The following NRK variants were observed in gnomAD, a reference collection of about 807,000 sequenced individuals.
NRK encodes Nik related kinase.
NRK carries 67 observed loss-of-function variants against 125.2 expected under a neutral mutation model. That is an observed-to-expected ratio of 0.54 (90% confidence interval 0.44 to 0.66). The LOEUF (loss-of-function observed/expected upper bound fraction) is 0.66. NRK is among the 30% of genes least tolerant of loss of function. NRK has a pLI of 0.00. For synonymous variants in NRK, 458 were observed against 429.0 expected, an observed-to-expected ratio of 1.07 and a Z score of -0.84; for missense variants, 1,224 against 1,192.9, an observed-to-expected ratio of 1.03 and a Z score of -0.38.
rs1488782245 is a variant in NRK, at chrX:105,945,992, C to T, written c.4180C>T (p.Leu1394Phe). The T allele has an allele frequency of 1.7e-6, 2 of 1,209,864 alleles. No individual in the cohort carries two copies. Among genetic ancestry groups the T allele is most frequent in the Non-Finnish European group, 2.2e-6 (2 of 894,333 alleles). The change falls in exon 25 of 29, where the codon CTC (leucine) becomes TTC (phenylalanine). Residue 1394 changes from leucine (L) to phenylalanine (F), a missense_variant. Physicochemically the swap from Leu to Phe is conservative, Grantham distance 22. Transcript: ENST00000243300. ...GAACCGGTTTAAGAGACCAGATGAG[C>T]TCCTTCATTTGCTGAAGCTCAAGGC... ...PVNRFKRPDE[L>F]LHLLKLKVFP...
chrX:105,835,356 G>GT (rs1247235577), intron 2 of NRK, among the ~76,000 whole-genome samples: 1 of 111,022 alleles, frequency 9.0e-6, no homozygotes, highest in East Asian at 2.9e-4. Flanking sequence ...TATTCCTTGT[G>GT]TATCTGTGCT....
At chrX:105,828,484 T>C (rs1474388529) in intron 1 of NRK, among the ~76,000 whole-genome samples, 1 of 112,005 alleles carries the variant, frequency 8.9e-6, no homozygotes, top group Non-Finnish European at 1.9e-5. Context: ...TTTAAGACTG[T>C]GCTCAAAGAT....
chrX:105,894,839 C>T (rs1356246399), intron 6 of NRK, among the ~76,000 whole-genome samples: 1 of 111,882 alleles, frequency 8.9e-6, no homozygotes, highest in Non-Finnish European at 1.9e-5. Flanking sequence ...TATTATGAAT[C>T]TCCAGTTAGT....
Position 105,888,203 on chromosome X carries a change from G to T in NRK, c.253-91G>T, listed in dbSNP as rs1555985536. ...CTGTTGGATATAATTAGTTGCCATA[G>T]GATTCTCCTTCATTGATATACTGTA... On this transcript the variant is annotated intron_variant, in intron 4 of 28. Coordinates refer to ENST00000243300, the MANE Select transcript of NRK (RefSeq NM_198465.4). The T allele has an allele frequency of 1.2e-5, 8 of 691,697 alleles. No homozygotes were observed. In the East Asian group the frequency reaches 3.2e-4, roughly 28 times the overall value. The allele number at this position is 691,697 out of a possible 1,213,427, so 57.0% of individuals were successfully genotyped here. A position where few individuals can be genotyped will look rare whatever the true frequency, so the allele number is the denominator to read the frequency against.
chrX:105,886,990 A>T (rs1177662873), intron 4 of NRK, among the ~76,000 whole-genome samples: 1 of 111,484 alleles, frequency 9.0e-6, no homozygotes, highest in Non-Finnish European at 1.9e-5. Flanking sequence ...AATGCTTAGA[A>T]GAAAACAAGG....
intron 6 of NRK, chrX:105,895,206 G>T (rs1461344484): frequency 5.9e-6 from 3 of 507,817 alleles, no homozygotes; most frequent in Admixed American, 2.8e-5. Flanking sequence ...TTTTTTTCGT[G>T]GGTGTCCTGA....
In NRK at chrX:105,924,766, A is replaced by G. The variant is rs756664172; in HGVS notation, c.3047A>G (p.Tyr1016Cys). Reference sequence around the variant, plus strand: ...GGAAGTCGTGGAAAAGAGGAAGCCTACAGAGGCTATGGAAGCCATACAGCC... The same window carrying G: ...GGAAGTCGTGGAAAAGAGGAAGCCTGCAGAGGCTATGGAAGCCATACAGCC... ...YDGSRGKEEA[Y>C]RGYGSHTANR... Residue 1016 changes from tyrosine (Y) to cysteine (C), a missense_variant, in exon 19 of 29, where the codon TAC (tyrosine) becomes TGC (cysteine). Transcript: ENST00000243300. 1.1e-5 allele frequency: 13 copies of G among 1,205,397 alleles called. No individual in the cohort carries two copies. The highest frequency in any genetic ancestry group is 1.7e-5 in the African/African-American group (1 of 57,290).
chrX:105,931,544 A>G (rs1023350485), intron 19 of NRK, among the ~76,000 whole-genome samples: 2 of 110,990 alleles, frequency 1.8e-5, no homozygotes, highest in African/African-American at 3.3e-5. Context: ...CCTTTTCCCA[A>G]TAAGGAGAAT....
At chrX:105,924,021 C>A (rs181552059) in intron 18 of NRK, among the ~76,000 whole-genome samples, 1 of 105,308 alleles carries the variant, frequency 9.5e-6, no homozygotes, top group Non-Finnish European at 1.9e-5. Flanking sequence ...ATCAAGAATT[C>A]CATTATGAAA....
chrX:105,851,416 A>T (rs948452352), intron 2 of NRK, among the ~76,000 whole-genome samples: 2 of 112,306 alleles, frequency 1.8e-5, no homozygotes, highest in African/African-American at 6.5e-5. Flanking sequence ...TGCAGGAAAG[A>T]TATCTCAGAC....
At chrX:105,902,707 G>A in intron 9 of NRK, among the ~76,000 whole-genome samples, 1 of 112,000 alleles carries the variant, frequency 8.9e-6, no homozygotes, top group Non-Finnish European at 1.9e-5. Context: ...ACTCCTGTCA[G>A]ATCAGCAACG....
chrX:105,889,233 T>A (rs1159718802), intron 5 of NRK, among the ~76,000 whole-genome samples: 1 of 112,481 alleles, frequency 8.9e-6, no homozygotes, highest in East Asian at 2.8e-4. Context: ...AGCAGTCAAA[T>A]CTTAAAGTTC....
In NRK at chrX:105,840,659, A is replaced by G. The variant is rs191836163; in HGVS notation, c.123+9540A>G. ...ATTGCCTGATTGCTGCTAAGCTTAT[A>G]TATTTAATGCTATTTTTAATATATT... On this transcript the variant is annotated intron_variant, in intron 2 of 28. Coordinates refer to ENST00000243300, the MANE Select transcript of NRK (RefSeq NM_198465.4). 2.0e-3 allele frequency among the ~76,000 whole-genome samples: 225 copies of G among 111,364 alleles called. 3 individuals are homozygous for G. Among genetic ancestry groups the G allele is most frequent in the African/African-American group, 7.1e-3 (217 of 30,740 alleles).
At chrX:105,883,897 C>G in intron 4 of NRK, among the ~76,000 whole-genome samples, 1 of 112,942 alleles carries the variant, frequency 8.9e-6, no homozygotes, top group African/African-American at 3.2e-5. Flanking sequence ...GTTTGCTAGT[C>G]TTATGCGGTG....
At chrX:105,882,358 G>C (rs1225686151) in intron 4 of NRK, among the ~76,000 whole-genome samples, 1 of 110,062 alleles carries the variant, frequency 9.1e-6, no homozygotes, top group African/African-American at 3.3e-5. Flanking sequence ...GAAAGGATAT[G>C]AACATGTTTT....
chrX:105,870,569 A>G (rs1427883337), intron 2 of NRK, among the ~76,000 whole-genome samples: 1 of 112,066 alleles, frequency 8.9e-6, no homozygotes, highest in African/African-American at 3.2e-5. Flanking sequence ...ACAGCCAAGA[A>G]CACAGAACTT....
intron 19 of NRK, among the ~76,000 whole-genome samples, chrX:105,932,021 C>T (rs1240310575): frequency 1.8e-5 from 2 of 111,048 alleles, no homozygotes; most frequent in Non-Finnish European, 3.8e-5. Context: ...CCTCCTCTAA[C>T]CCCTGATAAC....
intron 2 of NRK, among the ~76,000 whole-genome samples, chrX:105,868,024 C>CTTTA (rs931731800): frequency 1.8e-5 from 2 of 111,156 alleles, no homozygotes; most frequent in Non-Finnish European, 3.8e-5. Flanking sequence ...GTTTGTGTAA[C>CTTTA]TTTATTATCT....
Position 105,893,928 on chromosome X carries a change from C to T in NRK, c.475C>T (p.Arg159Ter), listed in dbSNP as rs2040046833. ...AGAAGATTGGATTGCTTATATCTGC[C>T]GAGAAATCCTTCAGGTGAGTCTTCA... Reference protein sequence around the residue: ...LKEDWIAYICREILQGLAHLH... With the variant: ...LKEDWIAYIC Residue 159 changes from arginine (R) to a stop codon, truncating the protein, a stop_gained, in exon 6 of 29, where the codon CGA becomes TGA. Coordinates refer to ENST00000243300, the MANE Select transcript of NRK (RefSeq NM_198465.4). LOFTEE classifies it high-confidence loss of function. The T allele has an allele frequency of 3.6e-6, 4 of 1,121,509 alleles. No homozygotes were observed. Among genetic ancestry groups the T allele is most frequent in the South Asian group, 1.9e-5 (1 of 53,946 alleles). 92.4% of individuals were successfully genotyped at this position (1,121,509 alleles called of 1,213,427 possible).
Sources: gnomAD v4.1 joint callset for allele counts (sites outside exome capture counted in the v4.1 genomes callset) on GRCh38, gnomAD v4.1.1 for gene constraint, MANE v1.5 for transcripts, NCBI Gene and HGNC (gene_info 2026-07-23, HGNC 2026-07-21) for gene names.